The following SMAD9 variants were observed in gnomAD, a reference collection of about 807,000 sequenced individuals.
The protein encoded by SMAD9 is MAD homolog 9.
SMAD9 carries 36 observed loss-of-function variants against 46.1 expected under a neutral mutation model. That is an observed-to-expected ratio of 0.78 (90% confidence interval 0.60 to 1.03). The LOEUF is 1.03. Ranked by LOEUF, SMAD9 falls within the 50% of genes least tolerant of loss-of-function variation. The pLI is 0.00. For missense variants in SMAD9, 572 were observed against 599.8 expected (o/e 0.95, Z 0.48); for synonymous variants, 245 against 237.1 (o/e 1.03, Z -0.31).
rs1566022560 is a variant in SMAD9, at chr13:36,872,765, G to A, written c.563C>T (p.Ala188Val). The A allele has an allele frequency of 1.9e-6, 3 of 1,614,076 alleles. No individual in the cohort carries two copies. The highest frequency in any genetic ancestry group is 1.7e-6 in the Non-Finnish European group (2 of 1,180,014). ...CGCGTGGCTGGGTGAGGGAGGGAGTGCAGAGCACGGAGGCTGCTGGAAAGA... is the reference window on the plus strand; with the variant it reads ...CGCGTGGCTGGGTGAGGGAGGGAGTACAGAGCACGGAGGCTGCTGGAAAGA... The part of the protein sequence containing the change: ...PDSFQQPPCS[A>V]LPPSPSHAFS... Residue 188 changes from alanine (A) to valine (V), a missense_variant, in exon 3 of 7, where the codon GCA becomes GTA. Transcript: ENST00000379826.
intron 5 of SMAD9, among the ~76,000 whole-genome samples, chr13:36,857,792 T>C (rs1490108320): frequency 6.6e-6 from 1 of 152,146 alleles, no homozygotes; most frequent in Non-Finnish European, 1.5e-5. Flanking sequence ...CAGAGTGTCC[T>C]GCACAGAAGA....
chr13:36,894,314 C>CA (rs1020722089), intron 1 of SMAD9, among the ~76,000 whole-genome samples: 1 of 152,042 alleles, frequency 6.6e-6, no homozygotes, highest in Non-Finnish European at 1.5e-5. Flanking sequence ...TGAGATCTGA[C>CA]GGTTTTCTAA....
At chr13:36,852,156 T>C (rs770381891) in intron 6 of SMAD9, 5 of 914,694 alleles carry the variant, frequency 5.5e-6, no homozygotes, top group East Asian at 1.2e-4. Context: ...TTTTTTAAAA[T>C]TGGAAACTAT....
In SMAD9 at chr13:36,845,039, G is replaced by C. The variant is rs1174837871; in HGVS notation, c.*3637C>G. 2 of 151,886 alleles carry C rather than the reference G, an allele frequency of 1.3e-5. No homozygotes were observed. The highest frequency in any genetic ancestry group is 2.9e-5 in the Non-Finnish European group (2 of 67,976). 9.4% of individuals were successfully genotyped at this position (151,886 alleles called of 1,614,324 possible). On this transcript the variant is annotated 3_prime_UTR_variant, in exon 7 of 7. Transcript: ENST00000379826. ...GTCATACAGTTCTGCTATTAAAATC[G>C]TAACAGGGAAAGACAAAATGTGAAA...
At chr13:36,857,665 G>A (rs2138321873) in intron 5 of SMAD9, among the ~76,000 whole-genome samples, 1 of 152,320 alleles carries the variant, frequency 6.6e-6, no homozygotes, top group East Asian at 1.9e-4. Flanking sequence ...AGGCTGGTGA[G>A]AGTGTGCCAA....
chr13:36,848,785 G>C lies in SMAD9; in HGVS notation c.1295C>G (p.Thr432Ser), dbSNP rs759779304. ...AATCTCAATCCAGCAGGGGGTGCTGGTGACATCCTGGCGATGATACTCAGC... is the reference window on the plus strand; with the variant it reads ...AATCTCAATCCAGCAGGGGGTGCTGCTGACATCCTGGCGATGATACTCAGC... ...WGAEYHRQDV[T>S]STPCWIEIHL... The change falls in exon 7 of 7, where the codon ACC becomes AGC. Residue 432 changes from threonine (T) to serine (S), a missense_variant. Physicochemically the swap from Thr to Ser is moderately conservative, Grantham distance 58. Coordinates refer to ENST00000379826, the MANE Select transcript of SMAD9 (RefSeq NM_001127217.3). 4 of 1,613,978 alleles carry C rather than the reference G, an allele frequency of 2.5e-6. No homozygotes were observed. Among genetic ancestry groups the C allele is most frequent in the Admixed American group, 3.3e-5 (2 of 60,004 alleles).
chr13:36,879,530 C>T lies in SMAD9; in HGVS notation c.160G>A (p.Glu54Lys), dbSNP rs773137128. The change falls in exon 2 of 7, where the codon GAG becomes AAG. Residue 54 changes from glutamate (E) to lysine (K), a missense_variant. Physicochemically the swap from Glu to Lys is moderately conservative, Grantham distance 56 (BLOSUM62 1). Coordinates refer to ENST00000379826, the MANE Select transcript of SMAD9 (RefSeq NM_001127217.3). ...GGGCAGCTGAGAGCCCTCTCCAGCT[C>T]GTCCATGGCTCCCTTCTTCTTCTTT... ...KLKKKKGAMD[E>K]LERALSCPGQ... is the part of the protein sequence containing the mutation. 1.2e-6 allele frequency: 2 copies of T among 1,614,188 alleles called. No individual in the cohort carries two copies. The highest frequency in any genetic ancestry group is 1.1e-5 in the South Asian group (1 of 91,092).
intron 1 of SMAD9, among the ~76,000 whole-genome samples, chr13:36,887,669 G>A (rs766270589): frequency 2.0e-5 from 3 of 152,152 alleles, no homozygotes; most frequent in Admixed American, 6.5e-5. Flanking sequence ...TAAGGTCAGT[G>A]TGGTGTGTTT....
chr13:36,855,623 G>C (rs2138304314), intron 5 of SMAD9, among the ~76,000 whole-genome samples: 1 of 152,276 alleles, frequency 6.6e-6, no homozygotes, highest in Non-Finnish European at 1.5e-5. Context: ...ACAGCTTCCA[G>C]GGCTGCTCAG....
chr13:36,879,016 T>C (rs1313664712), intron 2 of SMAD9, among the ~76,000 whole-genome samples: 1 of 152,238 alleles, frequency 6.6e-6, no homozygotes, highest in African/African-American at 2.4e-5. Flanking sequence ...AGGGTTTTAC[T>C]GCGATTCTCT....
At position 36,859,339 on chromosome 13, in the gene SMAD9, C is replaced by A. The variant is rs537086035; in HGVS notation, c.1004-5664G>T. Among the ~76,000 whole-genome samples the A allele has an allele frequency of 8.4e-4, 128 of 152,298 alleles. 1 individual carries two copies. Among genetic ancestry groups the A allele is most frequent in the Non-Finnish European group, 5.3e-4 (36 of 68,018 alleles). On this transcript the variant is annotated intron_variant, in intron 5 of 6. Transcript: ENST00000379826. ...GCCCAAGGAGTTTGAAACAGAGTGA[C>A]TCCGTCTTGAGTAGAAGCTGGGTAA...
chr13:36,848,865 C>CA, intron 6 of SMAD9, 46 bp from the exon 7 acceptor site: 1 of 1,604,460 alleles, frequency 6.2e-7, no homozygotes, highest in Non-Finnish European at 8.5e-7. Context: ...CACTTACACT[C>CA]AGCCTCCAGA....
intron 3 of SMAD9, among the ~76,000 whole-genome samples, chr13:36,868,078 A>G (rs1292146304): frequency 6.6e-6 from 1 of 152,234 alleles, no homozygotes; most frequent in Non-Finnish European, 1.5e-5. Context: ...TCTTGTTAAC[A>G]TGCGTGGTGG....
chr13:36,875,481 G>A (rs984920935), intron 2 of SMAD9, among the ~76,000 whole-genome samples: 10 of 152,088 alleles, frequency 6.6e-5, no homozygotes, highest in Middle Eastern at 3.4e-3. Flanking sequence ...TGACACCAGA[G>A]AACAAACATT....
Position 36,863,294 on chromosome 13 carries a change from C to CA in SMAD9, c.1003+2242dup, listed in dbSNP as rs1369096398. On this transcript the variant is annotated intron_variant, in intron 5 of 6. Transcript: ENST00000379826. ...TTTATGGCAAGGCTTGTGGCATGTC[C>CA]AAAAAAAAATTTTTTTCCACATTGG... Among the ~76,000 whole-genome samples the CA allele has an allele frequency of 3.6e-4, 54 of 151,720 alleles. 2 individuals are homozygous for CA. The highest frequency in any genetic ancestry group is 1.3e-3 in the African/African-American group (52 of 41,384).
intron 2 of SMAD9, among the ~76,000 whole-genome samples, chr13:36,877,606 T>C (rs1203835448): frequency 6.6e-6 from 1 of 152,188 alleles, no homozygotes; most frequent in African/African-American, 2.4e-5. Flanking sequence ...GTTATAAGCT[T>C]AGACATTATT....
At chr13:36,919,562 C>T (rs956487219) in intron 1 of SMAD9, among the ~76,000 whole-genome samples, 1 of 152,052 alleles carries the variant, frequency 6.6e-6, no homozygotes, top group African/African-American at 2.4e-5. Context: ...AAAGTGGCCC[C>T]CAAAGAGTCA....
chr13:36,898,952 T>A (rs867041759), intron 1 of SMAD9, among the ~76,000 whole-genome samples: 2 of 151,798 alleles, frequency 1.3e-5, no homozygotes, highest in Admixed American at 6.6e-5. Flanking sequence ...AATACAAGCA[T>A]AAAGATTAGA....
rs1260421249 is a variant in SMAD9, at chr13:36,853,450, T to G, written c.1229A>C (p.Lys410Thr). Residue 410 changes from lysine to threonine, a missense_variant, in exon 6 of 7, where the codon AAG becomes ACG. Physicochemically the swap from Lys to Thr is moderately conservative, Grantham distance 78. Coordinates refer to ENST00000379826, the MANE Select transcript of SMAD9 (RefSeq NM_001127217.3). ...HGFEVVYELT[K>T]MCTIRMSFVK... ...AAAACTCATCCGGATAGTACACATC[T>G]TGGTCAGTTCATACACGACTTCAAA... 3 of 1,614,032 alleles carry G rather than the reference T, an allele frequency of 1.9e-6. No homozygotes were observed. In the African/African-American group the frequency reaches 4.0e-5, roughly 22 times the overall value.
Sources: allele counts gnomAD v4.1 joint callset (sites outside exome capture counted in the v4.1 genomes callset), GRCh38; gene constraint gnomAD v4.1.1; transcripts MANE v1.5; gene names NCBI Gene and HGNC (gene_info 2026-07-23, HGNC 2026-07-21).